TNIP1: variants seen among roughly 807,000 people sequenced by gnomAD.
TNIP1 encodes the protein TNFAIP3-interacting protein 1.
Under a neutral mutation model 86.6 loss-of-function variants are expected in TNIP1, and 22 were observed. The observed-to-expected ratio is 0.25, with a 90% confidence interval of 0.18 to 0.36. TNIP1 has a LOEUF of 0.36. TNIP1 is among the 10% of genes least tolerant of loss of function. TNIP1 has a pLI of 1.00. For synonymous variants in TNIP1, 294 were observed against 313.0 expected (o/e 0.94, Z 0.64); for missense variants, 709 against 820.6 (o/e 0.86, Z 1.66).
At chr5:151,035,741 G>A in intron 13 of TNIP1, 34 bp from the exon 14 acceptor site, 2 of 1,612,020 alleles carry the variant, frequency 1.2e-6, no homozygotes, top group South Asian at 1.1e-5. Flanking sequence ...GAGGGAGGGG[G>A]ATGGTCCTGA....
At chr5:151,031,681 G>A (rs1484181797) in intron 17 of TNIP1, among the ~76,000 whole-genome samples, 10 of 152,064 alleles carry the variant, frequency 6.6e-5, no homozygotes, top group East Asian at 1.9e-4. Flanking sequence ...TGAACCCTGC[G>A]TTGCCCCTCT....
rs62382331 is a variant in TNIP1 at position 151,033,641 on chromosome 5, C to T, written c.1746G>A (p.Pro582=). Residue 582 remains proline (P), a synonymous_variant, in exon 16 of 18, where the codon CCG becomes CCA. Transcript: ENST00000521591. ...YPPPPMAMEH[P]PPLPNSRLFH... is the part of the protein sequence containing the mutation. ...AGAGGCGCGAGTTGGGGAGTGGGGG[C>T]GGGTGCTCCATGGCCATGGGGGGAG... The T allele has an allele frequency of 0.019, 13,654 of 718,746 alleles. 93 individuals carry two copies. Among genetic ancestry groups the T allele is most frequent in the Non-Finnish European group, 0.022 (11,853 of 546,756 alleles). The allele number at this position is 718,746 out of a possible 1,614,324, so 44.5% of individuals were successfully genotyped here. A position where few individuals can be genotyped will look rare whatever the true frequency, so the allele number is the denominator to read the frequency against.
chr5:151,044,765 G>T (rs1758917500), intron 9 of TNIP1, among the ~76,000 whole-genome samples: 1 of 152,110 alleles, frequency 6.6e-6, no homozygotes, highest in African/African-American at 2.4e-5. Context: ...GGACTAGACT[G>T]GGGGTGTGAG....
At position 151,065,292 on chromosome 5, in the gene TNIP1, C is replaced by T. The variant is rs143557875; in HGVS notation, c.-36-161G>A. Among the ~76,000 whole-genome samples, 75 of 152,330 alleles carry T rather than the reference C, an allele frequency of 4.9e-4. 1 individual carries two copies. Among genetic ancestry groups the T allele is most frequent in the Admixed American group, 4.6e-4 (7 of 15,308 alleles). ...GGACAGTCACCTCCTTTTATCTGGACGCTCTGCCTCTATTAATACAACCTT... is the reference window on the plus strand; with the variant it reads ...GGACAGTCACCTCCTTTTATCTGGATGCTCTGCCTCTATTAATACAACCTT... On this transcript the variant is annotated intron_variant, in intron 1 of 17. Transcript: ENST00000521591.
At chr5:151,070,857 C>T (rs1762748067) in intron 1 of TNIP1, among the ~76,000 whole-genome samples, 2 of 151,994 alleles carry the variant, frequency 1.3e-5, no homozygotes, top group Non-Finnish European at 2.9e-5. Flanking sequence ...TAATGGTGGA[C>T]ACCTGCCATT....
intron 9 of TNIP1, among the ~76,000 whole-genome samples, chr5:151,045,601 T>C (rs551684882): frequency 6.6e-5 from 10 of 152,202 alleles, no homozygotes; most frequent in Non-Finnish European, 1.2e-4. Flanking sequence ...CTGCCTAAAC[T>C]GTAGCCCCAA....
chr5:151,085,797 G>A (rs1764254730), upstream of TNIP1, among the ~76,000 whole-genome samples: 1 of 152,228 alleles, frequency 6.6e-6, no homozygotes, highest in South Asian at 2.1e-4. Flanking sequence ...AGGTCAGCCA[G>A]GCCCAGCCCG....
intron 1 of TNIP1, among the ~76,000 whole-genome samples, chr5:151,074,532 G>A (rs894487189): frequency 5.9e-5 from 9 of 152,178 alleles, no homozygotes; most frequent in Non-Finnish European, 1.2e-4. Flanking sequence ...GGACCAAGTA[G>A]GAACCATAGA....
chr5:151,062,648 G>A (rs1761728771), intron 3 of TNIP1, among the ~76,000 whole-genome samples: 1 of 152,192 alleles, frequency 6.6e-6, no homozygotes. Flanking sequence ...TGCAAACTCA[G>A]GACTGAGACT....
chr5:151,040,680 G>T (rs947863100), intron 11 of TNIP1, among the ~76,000 whole-genome samples: 2 of 152,174 alleles, frequency 1.3e-5, no homozygotes, highest in African/African-American at 4.8e-5. Context: ...AAAGACAGAA[G>T]TGTTCTCCCT....
intron 3 of TNIP1, 68 bp downstream of exon 3, chr5:151,063,545 T>A: frequency 6.4e-7 from 1 of 1,568,542 alleles, no homozygotes. Context: ...AAGAAGGGAG[T>A]TCACTGTGAA....
chr5:151,051,006 G>C (rs1759858283), intron 7 of TNIP1, among the ~76,000 whole-genome samples: 1 of 152,144 alleles, frequency 6.6e-6, no homozygotes, highest in African/African-American at 2.4e-5. Flanking sequence ...TTTGCCAGCT[G>C]AGTTTCCGCT....
chr5:151,060,328 G>C lies in TNIP1; in HGVS notation c.425C>G (p.Ala142Gly). Residue 142 changes from alanine (A) to glycine (G), a missense_variant, in exon 5 of 18, where the codon GCC becomes GGC. Transcript: ENST00000521591. ...TGCCCGTCCACTCACCATCGCATTG[G>C]CATGGCTGCTGCTCTCTGGTGAATT... ...EQNSPESSSHANAMALGPLPR... is the reference protein window; with the variant it reads ...EQNSPESSSHGNAMALGPLPR... The C allele has an allele frequency of 6.2e-7, 1 of 1,614,096 alleles. No homozygotes were observed. Among genetic ancestry groups the C allele is most frequent in the Non-Finnish European group, 8.5e-7 (1 of 1,180,020 alleles).
At position 151,042,968 on chromosome 5, in the gene TNIP1, G is replaced by T; in HGVS notation, c.937-7C>A. 6.2e-7 allele frequency: 1 copy of T among 1,614,126 alleles called. No homozygotes were observed. The highest frequency in any genetic ancestry group is 8.5e-7 in the Non-Finnish European group (1 of 1,179,990). The stretch of plus-strand genomic sequence containing the variant: ...GCTTGTTCACTTCCAGCAGCTGTGG[G>T]GAGAGACTGGAGTTAGCAGGAGATG... On this transcript the variant is annotated splice_polypyrimidine_tract_variant and splice_region_variant and intron_variant, in intron 9 of 17. Transcript: ENST00000521591.
Position 151,044,559 on chromosome 5 carries a change from C to T in TNIP1, c.936+1302G>A, listed in dbSNP as rs982432645. Reference sequence around the variant, plus strand: ...TCACTTTTGAAATCAGAAAAAAAGACGCTTATAACAATACAAAAAGAAATC... The same window carrying T: ...TCACTTTTGAAATCAGAAAAAAAGATGCTTATAACAATACAAAAAGAAATC... On this transcript the variant is annotated intron_variant, in intron 9 of 17. Coordinates refer to ENST00000521591, the MANE Select transcript of TNIP1 (RefSeq NM_006058.5). Among the ~76,000 whole-genome samples, 13 of 152,066 alleles carry T rather than the reference C, an allele frequency of 8.5e-5. No individual in the cohort carries two copies. In the East Asian group the frequency reaches 1.7e-3, roughly 20 times the overall value.
chr5:151,070,344 T>C (rs886662369), intron 1 of TNIP1, among the ~76,000 whole-genome samples: 1 of 152,234 alleles, frequency 6.6e-6, no homozygotes, highest in African/African-American at 2.4e-5. Flanking sequence ...AGGTGCTTAA[T>C]AAAAGGCTGA....
At position 151,033,748 on chromosome 5, in the gene TNIP1, C is replaced by A; in HGVS notation, c.1639G>T (p.Ala547Ser). The A allele has an allele frequency of 7.3e-7, 1 of 1,364,912 alleles. No individual in the cohort carries two copies. The highest frequency in any genetic ancestry group is 9.5e-7 in the Non-Finnish European group (1 of 1,051,016). 84.6% of individuals were successfully genotyped at this position (1,364,912 alleles called of 1,614,324 possible). A position where few individuals can be genotyped will look rare whatever the true frequency, so the allele number is the denominator to read the frequency against. The stretch of plus-strand genomic sequence containing the variant: ...ATGGGCGGGTAGGCGTAGGGGTAGG[C>A]CCCGCAGAGATGTTCTGGGTGGGGC... ...VEPHPEHLCG[A>S]YPYAYPPMPA... is the part of the protein sequence containing the mutation. The change falls in exon 16 of 18, where the codon GCC (alanine) becomes TCC (serine). Residue 547 changes from alanine to serine, a missense_variant. Physicochemically the swap from Ala to Ser is moderately conservative, Grantham distance 99 (BLOSUM62 1). Coordinates refer to ENST00000521591, the MANE Select transcript of TNIP1 (RefSeq NM_006058.5).
At chr5:151,059,210 T>C (rs1048853034) in intron 5 of TNIP1, among the ~76,000 whole-genome samples, 8 of 152,246 alleles carry the variant, frequency 5.3e-5, no homozygotes, top group Non-Finnish European at 7.3e-5. Context: ...GTTAAAGTTA[T>C]CGGTCCAAAG....
intron 1 of TNIP1, chr5:151,080,457 G>A (rs1434180138): frequency 1.3e-5 from 2 of 152,186 alleles, no homozygotes; most frequent in Non-Finnish European, 2.9e-5. Flanking sequence ...ATCAGCACTT[G>A]GAAAGCGCCC....
Sources: gnomAD v4.1 joint callset for allele counts (sites outside exome capture counted in the v4.1 genomes callset) on GRCh38, gnomAD v4.1.1 for gene constraint, MANE v1.5 for transcripts, NCBI Gene and HGNC (gene_info 2026-07-23, HGNC 2026-07-21) for gene names.